The following FBXO4 variants were observed in gnomAD, a reference collection of about 807,000 sequenced individuals.
FBXO4 encodes the protein F-box only protein 4.
A neutral mutation model predicts 43.7 loss-of-function variants in FBXO4; 36 were observed. That is an observed-to-expected ratio of 0.82 (90% CI 0.63 to 1.09). FBXO4 has a LOEUF of 1.09. Ranked by LOEUF, FBXO4 falls within the 50% of genes least tolerant of loss-of-function variation. The pLI is 0.00. For missense variants in FBXO4, 435 were observed against 474.1 expected, an observed-to-expected ratio of 0.92 and a Z score of 0.77; for synonymous variants, 180 against 165.6, an observed-to-expected ratio of 1.09 and a Z score of -0.67.
chr5:41,931,847 CAAAG>C (rs1751697632), intron 3 of FBXO4, among the ~76,000 whole-genome samples: 3 of 152,084 alleles, frequency 2.0e-5, no homozygotes, highest in Admixed American at 2.0e-4. Flanking sequence ...GTAATAACGA[CAAAG>C]AAGGAAAGAG....
the FBXO4 span, among the ~76,000 whole-genome samples, chr5:42,012,344 G>C: frequency 7.2e-5 from 11 of 151,814 alleles, no homozygotes; most frequent in Non-Finnish European, 1.3e-4. Flanking sequence ...GTGTGTGTCT[G>C]TGTGTGTGTA....
At chr5:42,010,051 TTCACTTAGCATAATG>T in the FBXO4 span, among the ~76,000 whole-genome samples, 1 of 152,220 alleles carries the variant, frequency 6.6e-6, no homozygotes, top group African/African-American at 2.4e-5. Flanking sequence ...ACTGTTTTAT[TTCACTTAGCATAATG>T]TCACTTAGCA....
At chr5:42,022,444 A>C in the FBXO4 span, among the ~76,000 whole-genome samples, 3 of 152,118 alleles carry the variant, frequency 2.0e-5, no homozygotes, top group South Asian at 6.2e-4. Context: ...TGCTTGTATT[A>C]AATAGCCAGA....
the FBXO4 span, among the ~76,000 whole-genome samples, chr5:42,038,049 TGAG>T: frequency 6.6e-6 from 1 of 152,166 alleles, no homozygotes; most frequent in African/African-American, 2.4e-5. Flanking sequence ...AGTAAGGAAA[TGAG>T]GTGGTATCTC....
At chr5:41,927,750 A>G (rs1438336302) in intron 2 of FBXO4, among the ~76,000 whole-genome samples, 1 of 152,112 alleles carries the variant, frequency 6.6e-6, no homozygotes, top group Non-Finnish European at 1.5e-5. Context: ...GGGATGCTTT[A>G]TGTATGTTTT....
rs1327796388 is a variant in FBXO4 at position 41,927,023 on chromosome 5, A to C, written c.200A>C (p.Gln67Pro). The C allele has an allele frequency of 6.3e-7, 1 of 1,599,328 alleles. No homozygotes were observed. Among genetic ancestry groups the C allele is most frequent in the African/African-American group, 1.3e-5 (1 of 74,156 alleles). ...STLTRLPIDV[Q>P]LYILSFLSPH... The stretch of plus-strand genomic sequence containing the variant: ...TTTCTTCTGTTTCAGATTGATGTAC[A>C]GCTATATATTTTGTCCTTTCTTTCA... The change falls in exon 2 of 7, where the codon CAG becomes CCG. Residue 67 changes from glutamine to proline, a missense_variant. Transcript: ENST00000281623.
the FBXO4 span, among the ~76,000 whole-genome samples, chr5:42,010,266 A>C: frequency 0.01 from 1,588 of 152,170 alleles, 72 homozygotes; most frequent in Admixed American, 0.072. Context: ...TTGGGAGGCC[A>C]AGGTGGGTGG....
intron 5 of FBXO4, among the ~76,000 whole-genome samples, chr5:41,938,384 A>G (rs1751906222): frequency 6.6e-6 from 1 of 152,198 alleles, no homozygotes; most frequent in South Asian, 2.1e-4. Context: ...AGTAGTGGAT[A>G]TAAAATGGAA....
At chr5:42,020,179 T>G in the FBXO4 span, among the ~76,000 whole-genome samples, 1,804 of 152,286 alleles carry the variant, frequency 0.012, 41 homozygotes, top group African/African-American at 0.041. Context: ...GTTTAAATAC[T>G]ATTTAAGGTC....
At chr5:42,035,421 C>T in the FBXO4 span, among the ~76,000 whole-genome samples, 1 of 152,046 alleles carries the variant, frequency 6.6e-6, no homozygotes, top group Non-Finnish European at 1.5e-5. Context: ...GGGAATGCTT[C>T]CAGCATTGGT....
chr5:42,021,186 G>T, the FBXO4 span, among the ~76,000 whole-genome samples: 3 of 152,110 alleles, frequency 2.0e-5, no homozygotes, highest in Non-Finnish European at 1.5e-5. Context: ...GATTAAAATC[G>T]GATAAGAGTT....
At chr5:41,951,374 C>T in the FBXO4 span, 1 of 234,154 alleles carries the variant, frequency 4.3e-6, no homozygotes, top group Admixed American at 5.6e-5. Context: ...AACCAGCCTT[C>T]GGTGGCAGGC....
the FBXO4 span, among the ~76,000 whole-genome samples, chr5:41,975,475 A>G: frequency 9.9e-5 from 15 of 152,222 alleles, no homozygotes; most frequent in Non-Finnish European, 1.0e-4. Context: ...TAGAAAGAAT[A>G]TTGTGTGTAT....
chr5:42,039,475 A>G, the FBXO4 span, among the ~76,000 whole-genome samples: 21 of 152,010 alleles, frequency 1.4e-4, no homozygotes, highest in East Asian at 3.5e-3. Context: ...ACATGTTCCT[A>G]CCTGTGGAAC....
chr5:42,008,364 A>C, the FBXO4 span, among the ~76,000 whole-genome samples: 114 of 152,206 alleles, frequency 7.5e-4, no homozygotes, highest in Non-Finnish European at 1.3e-3. Flanking sequence ...TTTCCTCCTG[A>C]TTCTAGAAAA....
At chr5:41,934,518 TC>T in intron 5 of FBXO4, 1 of 1,383,046 alleles carries the variant, frequency 7.2e-7, no homozygotes, top group Non-Finnish European at 9.4e-7. Context: ...ACAAGCTGAT[TC>T]CTACCCTGGT....
chr5:42,012,734 A>G, the FBXO4 span, among the ~76,000 whole-genome samples: 1 of 152,112 alleles, frequency 6.6e-6, no homozygotes, highest in African/African-American at 2.4e-5. Flanking sequence ...AGTATGTGCA[A>G]GGGTTAAGAA....
chr5:41,968,348 G>A, the FBXO4 span: 1 of 153,794 alleles, frequency 6.5e-6, no homozygotes, highest in African/African-American at 2.4e-5. Context: ...ACGCTGACAT[G>A]AGGGAAGTCG....
the FBXO4 span, among the ~76,000 whole-genome samples, chr5:42,016,559 T>C: frequency 6.6e-6 from 1 of 151,944 alleles, no homozygotes; most frequent in African/African-American, 2.4e-5. Flanking sequence ...ATTTCTTTTT[T>C]ATAATTTTAA....
Sources: allele counts gnomAD v4.1 joint callset (sites outside exome capture counted in the v4.1 genomes callset), GRCh38; gene constraint gnomAD v4.1.1; transcripts MANE v1.5; gene names NCBI Gene and HGNC (gene_info 2026-07-23, HGNC 2026-07-21).